Variants in MARCHF11 observed in about 807,000 individuals in gnomAD.
The protein encoded by MARCHF11 is membrane associated ring-CH-type finger 11.
MARCHF11 carries 29 observed loss-of-function variants against 37.3 expected under a neutral mutation model. The ratio of observed to expected loss-of-function variants is 0.78; its 90% CI spans 0.58 to 1.06. The LOEUF (loss-of-function observed/expected upper bound fraction) is 1.06, where lower values mean the gene tolerates loss of function less well. Among genes scored for constraint, MARCHF11 ranks in the 50% least tolerant of loss-of-function variants. The probability of loss-of-function intolerance (pLI) is 0.00; values close to 1 mark genes in which losing one functional copy is unlikely to be tolerated. For synonymous variants in MARCHF11, 233 were observed against 228.0 expected, an observed-to-expected ratio of 1.02 and a Z score of -0.20; for missense variants, 482 against 533.4, an observed-to-expected ratio of 0.90 and a Z score of 0.95.
intron 3 of MARCHF11, among the ~76,000 whole-genome samples, chr5:16,081,351 A>G (rs2126549731): frequency 6.6e-6 from 1 of 152,380 alleles, no homozygotes; most frequent in African/African-American, 2.4e-5. Context: ...CATCAACAGC[A>G]CATAAATACA....
chr5:16,137,143 A>C (rs1737622461), intron 2 of MARCHF11, among the ~76,000 whole-genome samples: 1 of 152,184 alleles, frequency 6.6e-6, no homozygotes, highest in Non-Finnish European at 1.5e-5. Context: ...AGGCCCGTAG[A>C]TTGGCTCCCC....
At chr5:16,158,953 A>T (rs1738028445) in intron 2 of MARCHF11, among the ~76,000 whole-genome samples, 1 of 151,868 alleles carries the variant, frequency 6.6e-6, no homozygotes, top group South Asian at 2.1e-4. Flanking sequence ...AATTGCTGAG[A>T]GTAGATTTTA....
chr5:16,082,666 G>A (rs188237081), intron 3 of MARCHF11, among the ~76,000 whole-genome samples: 1 of 152,238 alleles, frequency 6.6e-6, no homozygotes, highest in East Asian at 1.9e-4. Context: ...AGAGGCGGGT[G>A]ATATACTTCT....
At chr5:16,109,870 T>G (rs1737107859) in intron 2 of MARCHF11, among the ~76,000 whole-genome samples, 1 of 152,192 alleles carries the variant, frequency 6.6e-6, no homozygotes, top group South Asian at 2.1e-4. Flanking sequence ...ACATGCCTAG[T>G]GCCAGAAGTG....
chr5:16,170,276 A>C (rs1175775537), intron 2 of MARCHF11, among the ~76,000 whole-genome samples: 2 of 152,164 alleles, frequency 1.3e-5, no homozygotes, highest in Non-Finnish European at 2.9e-5. Context: ...CAATCTCAAG[A>C]AAGTGAGGGT....
In MARCHF11 at chr5:16,090,487, C is replaced by T. The variant is rs1447301640; in HGVS notation, c.886+402G>A. On this transcript the variant is annotated intron_variant, in intron 3 of 3. Transcript: ENST00000332432. ...GATGTAAGACATCGAGATGTCTGTC[C>T]TCTCCCCAAACGCACAATACAGTAC... is the stretch of plus-strand genomic sequence containing the variant. 2.0e-5 allele frequency among the ~76,000 whole-genome samples: 3 copies of T among 152,056 alleles called. No homozygotes were observed. The East Asian group carries it at 5.8e-4, about 29-fold the overall frequency.
chr5:16,072,855 G>A (rs1736461367), intron 3 of MARCHF11, among the ~76,000 whole-genome samples: 1 of 152,010 alleles, frequency 6.6e-6, no homozygotes, highest in Admixed American at 6.5e-5. Context: ...TTCTCCTTGT[G>A]GGTGGGAAGG....
chr5:16,090,364 AAAAC>A (rs918883753), intron 3 of MARCHF11, among the ~76,000 whole-genome samples: 93 of 152,336 alleles, frequency 6.1e-4, no homozygotes, highest in African/African-American at 2.1e-3. Context: ...TTTATTAAGT[AAAAC>A]AAAGAGACAC....
chr5:16,104,655 G>A (rs548395677), intron 2 of MARCHF11, among the ~76,000 whole-genome samples: 1 of 150,464 alleles, frequency 6.6e-6, no homozygotes, highest in Non-Finnish European at 1.5e-5. Context: ...AACAGAGAGG[G>A]AACCCCAAGG....
chr5:16,099,792 C>G (rs1269412273), intron 2 of MARCHF11, among the ~76,000 whole-genome samples: 1 of 152,150 alleles, frequency 6.6e-6, no homozygotes, highest in African/African-American at 2.4e-5. Context: ...ATTGGTAACG[C>G]ACATCCTTTG....
chr5:16,163,918 T>C (rs539387563), intron 2 of MARCHF11, among the ~76,000 whole-genome samples: 1 of 152,176 alleles, frequency 6.6e-6, no homozygotes, highest in Non-Finnish European at 1.5e-5. Context: ...ACATGGCATT[T>C]ATCCCCCTTT....
chr5:16,078,165 A>G (rs556761784), intron 3 of MARCHF11, among the ~76,000 whole-genome samples: 2 of 152,298 alleles, frequency 1.3e-5, no homozygotes, highest in South Asian at 4.2e-4. Flanking sequence ...TACTCATTAC[A>G]CAGGCTGTGG....
At chr5:16,121,268 T>C (rs1737304865) in intron 2 of MARCHF11, among the ~76,000 whole-genome samples, 1 of 152,192 alleles carries the variant, frequency 6.6e-6, no homozygotes, top group Admixed American at 6.5e-5. Flanking sequence ...TTTTTTTGCC[T>C]GAGGTTTGTC....
intron 2 of MARCHF11, among the ~76,000 whole-genome samples, chr5:16,096,343 C>T (rs2126560495): frequency 6.6e-6 from 1 of 152,290 alleles, no homozygotes; most frequent in South Asian, 2.1e-4. Context: ...ACGACAAACT[C>T]AAGGAGTTAT....
At chr5:16,075,435 C>T (rs147820471) in intron 3 of MARCHF11, among the ~76,000 whole-genome samples, 71 of 152,314 alleles carry the variant, frequency 4.7e-4, no homozygotes, top group African/African-American at 1.7e-3. Flanking sequence ...CACTGATTTC[C>T]TTACTACCTG....
chr5:16,089,099 TA>T (rs557123942), intron 3 of MARCHF11, among the ~76,000 whole-genome samples: 64 of 147,686 alleles, frequency 4.3e-4, no homozygotes, highest in South Asian at 4.3e-4. Flanking sequence ...GTTCTGAAAT[TA>T]AAAAAAAAAA....
chr5:16,157,085 A>G (rs1737989965), intron 2 of MARCHF11, among the ~76,000 whole-genome samples: 1 of 151,924 alleles, frequency 6.6e-6, no homozygotes, highest in Non-Finnish European at 1.5e-5. Flanking sequence ...CTATTTGAAA[A>G]GAAATCAATA....
At chr5:16,161,885 T>A (rs1368260044) in intron 2 of MARCHF11, among the ~76,000 whole-genome samples, 1 of 152,018 alleles carries the variant, frequency 6.6e-6, no homozygotes, top group Non-Finnish European at 1.5e-5. Context: ...TTCAATGAGA[T>A]GATGAAGCGT....
At chr5:16,084,490 A>C (rs1306579444) in intron 3 of MARCHF11, among the ~76,000 whole-genome samples, 1 of 152,090 alleles carries the variant, frequency 6.6e-6, no homozygotes, top group African/African-American at 2.4e-5. Context: ...TAAAAATACA[A>C]AAATTAGCCA....
Sources: gnomAD v4.1 joint callset for allele counts (sites outside exome capture counted in the v4.1 genomes callset) on GRCh38, gnomAD v4.1.1 for gene constraint, MANE v1.5 for transcripts, NCBI Gene and HGNC (gene_info 2026-07-23, HGNC 2026-07-21) for gene names.